MAPK8IP2: variants seen among roughly 807,000 people sequenced by gnomAD.
MAPK8IP2 encodes mitogen-activated protein kinase 8 interacting protein 2, also known as C-Jun-amino-terminal kinase-interacting protein 2.
A neutral mutation model predicts 75.6 loss-of-function variants in MAPK8IP2; 15 were observed. That is an observed-to-expected ratio of 0.20 (90% CI 0.13 to 0.31). The LOEUF is 0.31. MAPK8IP2 is among the 10% of genes least tolerant of loss of function. The probability of loss-of-function intolerance (pLI) is 1.00; values close to 1 mark genes in which losing one functional copy is unlikely to be tolerated. For missense variants in MAPK8IP2, 1,089 were observed against 1,211.2 expected, an observed-to-expected ratio of 0.90 and a Z score of 1.50; for synonymous variants, 632 against 554.5, an observed-to-expected ratio of 1.14 and a Z score of -1.96.
chr22:50,603,162 C>G, intron 2 of MAPK8IP2, 61 bp from the exon 3 acceptor site: 1 of 1,610,790 alleles, frequency 6.2e-7, no homozygotes, highest in African/African-American at 1.3e-5. Context: ...CTCCTAGCAC[C>G]TGGGCCCCTG....
Position 50,607,947 on chromosome 22 carries a change from GTGTCC to G in MAPK8IP2, c.2303+957_2303+961del, listed in dbSNP as rs1311461823. Among the ~76,000 whole-genome samples the G allele has an allele frequency of 6.6e-6, 1 of 152,166 alleles. No homozygotes were observed. The highest frequency in any genetic ancestry group is 1.5e-5 in the Non-Finnish European group (1 of 68,008). On this transcript the variant is annotated intron_variant, in intron 10 of 11. Coordinates refer to ENST00000329492, the MANE Select transcript of MAPK8IP2 (RefSeq NM_012324.6). This position sits in a 1 kb window ranked among gnomAD's most constrained non-coding sequence, Gnocchi z 5.6. ...CTCCAGGCACAGGCCCCTGCCCTCT[GTGTCC>G]CAGCACCCTAGAGGAAGGAGATCTG...
Position 50,605,728 on chromosome 22 carries a change from C to A in MAPK8IP2, c.2008C>A (p.Leu670Met), listed in dbSNP as rs756693313. The change falls in exon 7 of 12, where the codon CTG (leucine) becomes ATG (methionine). Residue 670 changes from leucine to methionine, a missense_variant. Coordinates refer to ENST00000329492, the MANE Select transcript of MAPK8IP2 (RefSeq NM_012324.6). Reference protein sequence around the residue: ...AHAVPGPAKDLLGSKRSPCWV... With the variant: ...AHAVPGPAKDMLGSKRSPCWV... Reference sequence around the variant, plus strand: ...TGCGGTGCCCGGCCCTGCCAAGGACCTGCTGGGTGAGGTCCCAACCCCGAG... The same window carrying A: ...TGCGGTGCCCGGCCCTGCCAAGGACATGCTGGGTGAGGTCCCAACCCCGAG... 2 of 1,608,114 alleles carry A rather than the reference C, an allele frequency of 1.2e-6. No homozygotes were observed. Among genetic ancestry groups the A allele is most frequent in the Non-Finnish European group, 1.7e-6 (2 of 1,177,380 alleles).
intron 10 of MAPK8IP2, among the ~76,000 whole-genome samples, chr22:50,608,877 C>T (rs549202903): frequency 4.6e-5 from 7 of 151,908 alleles, no homozygotes; most frequent in Admixed American, 1.3e-4. Flanking sequence ...GGACAGCGGA[C>T]GCTGCCAGGA....
rs752043605 is a variant in MAPK8IP2, at chr22:50,606,692, G to A, written c.2159G>A (p.Arg720His). Residue 720 changes from arginine (R) to histidine (H), a missense_variant, in exon 9 of 12, where the codon CGC (arginine) becomes CAC (histidine). Arg to His is a conservative substitution (Grantham distance 29). This residue lies in a region of MAPK8IP2 where 129 missense variants were observed against 201.7 expected (regional missense o/e 0.64). Coordinates refer to ENST00000329492, the MANE Select transcript of MAPK8IP2 (RefSeq NM_012324.6). ...ATARKLTVHL[R>H]PPASCDLEIS... ...GCCCGGAAACTGACCGTCCACCTGC[G>A]CCCTCCTGCCTCCTGTGACCTCGAG... is the stretch of plus-strand genomic sequence containing the variant. 1.5e-5 allele frequency: 24 copies of A among 1,597,750 alleles called. No homozygotes were observed. Among genetic ancestry groups the A allele is most frequent in the Middle Eastern group, 1.6e-4 (1 of 6,068 alleles).
chr22:50,603,287 A>G lies in MAPK8IP2; in HGVS notation c.236A>G (p.Gln79Arg). ...HPICSFQDDF[Q>R]EFEMIDDNEE... Reference sequence around the variant, plus strand: ...ATCTGCTCCTTCCAGGATGACTTCCAGGAGTTTGAGATGATCGATGACAAT... The same window carrying G: ...ATCTGCTCCTTCCAGGATGACTTCCGGGAGTTTGAGATGATCGATGACAAT... The change falls in exon 3 of 12, where the codon CAG (glutamine) becomes CGG (arginine). Residue 79 changes from glutamine to arginine, a missense_variant. Gln to Arg is a conservative substitution (Grantham distance 43, BLOSUM62 1). This residue lies in a region of MAPK8IP2 where 960 missense variants were observed against 1,009.6 expected (regional missense o/e 0.95). Coordinates refer to ENST00000329492, the MANE Select transcript of MAPK8IP2 (RefSeq NM_012324.6). The G allele has an allele frequency of 6.3e-7, 1 of 1,584,676 alleles. No individual in the cohort carries two copies. The highest frequency in any genetic ancestry group is 8.6e-7 in the Non-Finnish European group (1 of 1,167,290).
chr22:50,600,985 C>T (rs1184948683), intron 1 of MAPK8IP2, 102 bp downstream of exon 1: 1 of 301,998 alleles, frequency 3.3e-6, no homozygotes, highest in African/African-American at 2.3e-5. Flanking sequence ...CCAGCCCCGC[C>T]GCCGGCGCGG....
Position 50,604,684 on chromosome 22 carries a change from C to A in MAPK8IP2, c.1385C>A (p.Ala462Asp). ...APGRAARPGRACSAACSEEED... is the reference protein window; with the variant it reads ...APGRAARPGRDCSAACSEEED... ...GGCCGCGCCGCCCGCCCGGGACGAGCCTGCTCCGCCGCCTGCTCCGAGGAG... is the reference window on the plus strand; with the variant it reads ...GGCCGCGCCGCCCGCCCGGGACGAGACTGCTCCGCCGCCTGCTCCGAGGAG... Residue 462 changes from alanine (A) to aspartate (D), a missense_variant, in exon 5 of 12, where the codon GCC becomes GAC. Coordinates refer to ENST00000329492, the MANE Select transcript of MAPK8IP2 (RefSeq NM_012324.6). The A allele has an allele frequency of 8.5e-6, 13 of 1,524,140 alleles. No homozygotes were observed. Among genetic ancestry groups the A allele is most frequent in the Non-Finnish European group, 1.1e-5 (13 of 1,139,612 alleles). 94.4% of individuals were successfully genotyped at this position (1,524,140 alleles called of 1,614,324 possible).
chr22:50,603,607 T>G lies in MAPK8IP2; in HGVS notation c.448-19T>G. 2 of 1,588,088 alleles carry G rather than the reference T, an allele frequency of 1.3e-6. No homozygotes were observed. Among genetic ancestry groups the G allele is most frequent in the South Asian group, 1.1e-5 (1 of 87,294 alleles). ...GAGCTGGCCCTCCTCAGGACCGCCG[T>G]CATGTATCTCCACCCCAGGACTCCC... On this transcript the variant is annotated intron_variant, in intron 3 of 11. Coordinates refer to ENST00000329492, the MANE Select transcript of MAPK8IP2 (RefSeq NM_012324.6).
At position 50,612,908 on chromosome 22, in the gene MAPK8IP2, C is replaced by CTGCCCGGCCTGG; in HGVS notation, c.*2129_*2130insTGCCCGGCCTGG. On this transcript the variant is annotated 3_prime_UTR_variant, in exon 12 of 12. Coordinates refer to ENST00000329492, the MANE Select transcript of MAPK8IP2 (RefSeq NM_012324.6). ...GCCCCGCCCCTGCCCGGCCCCGCCC[C>CTGCCCGGCCTGG]CCAACGTGTCTTCAGGTCTCTTTCC... 1 of 152,220 alleles carries CTGCCCGGCCTGG rather than the reference C, an allele frequency of 6.6e-6. No individual in the cohort carries two copies. The highest frequency in any genetic ancestry group is 6.6e-5 in the Admixed American group (1 of 15,246). The allele number at this position is 152,220 out of a possible 1,614,324, so 9.4% of individuals were successfully genotyped here.
At position 50,603,824 on chromosome 22, in the gene MAPK8IP2, A is replaced by C. The variant is rs926538133; in HGVS notation, c.542-17A>C. The stretch of plus-strand genomic sequence containing the variant: ...TGGGTGGTGCAGAGAGGGTGACCCC[A>C]CCTCCCTGCCCAGCAGAGCTCCCGG... On this transcript the variant is annotated splice_polypyrimidine_tract_variant and intron_variant, in intron 4 of 11. Coordinates refer to ENST00000329492, the MANE Select transcript of MAPK8IP2 (RefSeq NM_012324.6). 6.6e-7 allele frequency: 1 copy of C among 1,520,046 alleles called. No homozygotes were observed. The highest frequency in any genetic ancestry group is 8.8e-7 in the Non-Finnish European group (1 of 1,132,032). 94.2% of individuals were successfully genotyped at this position (1,520,046 alleles called of 1,614,324 possible). A position where few individuals can be genotyped will look rare whatever the true frequency, so the allele number is the denominator to read the frequency against.
intron 8 of MAPK8IP2, 146 bp downstream of exon 8, chr22:50,606,080 G>A (rs1172595692): frequency 1.4e-5 from 10 of 700,896 alleles, no homozygotes; most frequent in African/African-American, 3.6e-5. Context: ...GGGGGAGCTC[G>A]GGGTGGGTAC....
Position 50,611,212 on chromosome 22 carries a change from G to A in MAPK8IP2, c.*433G>A, listed in dbSNP as rs2071144646. On this transcript the variant is annotated 3_prime_UTR_variant, in exon 12 of 12. Transcript: ENST00000329492. This position sits in a 1 kb window ranked among gnomAD's most constrained non-coding sequence, Gnocchi z 5.5. ...CCTGCCACTCCCCTGCGATTTATAA[G>A]GGAATTTTAATTTTTATAGTGAATC... 1 of 161,418 alleles carries A rather than the reference G, an allele frequency of 6.2e-6. No individual in the cohort carries two copies. Among genetic ancestry groups the A allele is most frequent in the Non-Finnish European group, 1.3e-5 (1 of 74,368 alleles). The allele number at this position is 161,418 out of a possible 1,614,324, so 10.0% of individuals were successfully genotyped here. A position where few individuals can be genotyped will look rare whatever the true frequency, so the allele number is the denominator to read the frequency against.
Position 50,607,997 on chromosome 22 carries a change from A to G in MAPK8IP2, c.2303+1006A>G. On this transcript the variant is annotated intron_variant, in intron 10 of 11. Coordinates refer to ENST00000329492, the MANE Select transcript of MAPK8IP2 (RefSeq NM_012324.6). The surrounding 1 kb of genome is among the most constrained non-coding windows in gnomAD (Gnocchi z 5.6). ...GATCTGGGAGGAACCAGAGAGGCAG[A>G]GCCAGCCAGAGGCTGGAAAGGACTT... is the stretch of plus-strand genomic sequence containing the variant. Among the ~76,000 whole-genome samples the G allele has an allele frequency of 6.6e-6, 1 of 152,200 alleles. No individual in the cohort carries two copies. The highest frequency in any genetic ancestry group is 1.9e-4 in the East Asian group (1 of 5,200).
chr22:50,601,387 G>A (rs2070934713), intron 1 of MAPK8IP2: 3 of 197,414 alleles, frequency 1.5e-5, no homozygotes, highest in South Asian at 1.9e-4. Context: ...GCCGGAGAGG[G>A]GGAGACAAAC....
rs529105957 is a variant in MAPK8IP2 at position 50,603,897 on chromosome 22, G to A, written c.598G>A (p.Val200Met). 1.6e-5 allele frequency: 25 copies of A among 1,536,104 alleles called. No individual in the cohort carries two copies. The East Asian group carries it at 6.1e-4, about 38-fold the overall frequency. ...CGGGCCCGGCGGGGCGCAGTCGCCA[G>A]TGCGCCCGGGTTGCGACTGCGAAGG... ...DTGPGGAQSP[V>M]RPGCDCEGNR... Residue 200 changes from valine (V) to methionine (M), a missense_variant, in exon 5 of 12, where the codon GTG (valine) becomes ATG (methionine). Physicochemically the swap from Val to Met is conservative, Grantham distance 21. Around this residue, in one of 2 missense-constraint regions of MAPK8IP2, gnomAD observed 960 missense variants for 1,009.6 expected, o/e 0.95. Transcript: ENST00000329492.
chr22:50,603,450 C>T lies in MAPK8IP2; in HGVS notation c.399C>T (p.Pro133=). The T allele has an allele frequency of 1.3e-6, 2 of 1,568,172 alleles. No individual in the cohort carries two copies. The highest frequency in any genetic ancestry group is 1.7e-6 in the Non-Finnish European group (2 of 1,154,766). Reference sequence around the variant, plus strand: ...TCCCCTCCCCTTCCGTGGAGGAGCCCCACAAGCACCGGCCCACCACCCTCC... The same window carrying T: ...TCCCCTCCCCTTCCGTGGAGGAGCCTCACAAGCACCGGCCCACCACCCTCC... ...PLIPSPSVEE[P]HKHRPTTLRL... is the part of the protein sequence containing the mutation. The change falls in exon 3 of 12, where the codon CCC becomes CCT. Residue 133 remains proline (P), a synonymous_variant. Transcript: ENST00000329492.
intron 8 of MAPK8IP2, 41 bp from the exon 9 acceptor site, chr22:50,606,617 G>A: frequency 7.1e-7 from 1 of 1,404,016 alleles, no homozygotes. Context: ...AGGCCCTTGT[G>A]GGCTCCTCAA....
rs369121598 is a variant in MAPK8IP2 at position 50,604,864 on chromosome 22, A to C, written c.1565A>C (p.Glu522Ala). 2.5e-6 allele frequency: 4 copies of C among 1,601,178 alleles called. No individual in the cohort carries two copies. The African/African-American group carries it at 5.4e-5, about 21-fold the overall frequency. Residue 522 changes from glutamate (E) to alanine (A), a missense_variant, in exon 5 of 12, where the codon GAG (glutamate) becomes GCG (alanine). Physicochemically the swap from Glu to Ala is moderately radical, Grantham distance 107. Coordinates refer to ENST00000329492, the MANE Select transcript of MAPK8IP2 (RefSeq NM_012324.6). ...TLVVDEHTQL[E>A]LVSLRRCAGL... ...GTGGTGGATGAGCACACGCAGCTGG[A>C]GCTGGTGAGCCTGCGGCGCTGTGCT...
chr22:50,605,115 C>T (rs905917921), intron 5 of MAPK8IP2, 51 bp downstream of exon 5: 14 of 1,598,074 alleles, frequency 8.8e-6, no homozygotes, highest in African/African-American at 1.3e-5. Context: ...GGTGCAGACT[C>T]CCTGGCCCCA....
Sources: allele counts gnomAD v4.1 joint callset (sites outside exome capture counted in the v4.1 genomes callset), GRCh38; gene constraint gnomAD v4.1.1; regional missense constraint gnomAD v4.1.1; non-coding constraint Gnocchi (gnomAD v3.1); transcripts MANE v1.5; gene names NCBI Gene and HGNC (gene_info 2026-07-23, HGNC 2026-07-21).